Variants in MLPH observed in about 807,000 individuals in gnomAD.
MLPH encodes exophilin-3.
Under a neutral mutation model 72.1 loss-of-function variants are expected in MLPH, and 51 were observed. That is an observed-to-expected ratio of 0.71 (90% confidence interval 0.56 to 0.89). The LOEUF (loss-of-function observed/expected upper bound fraction) is 0.89. Ranked by LOEUF, MLPH falls within the 40% of genes least tolerant of loss-of-function variation. The pLI is 0.00. For synonymous variants in MLPH, 301 were observed against 310.1 expected (o/e 0.97, Z 0.31); for missense variants, 743 against 759.9 (o/e 0.98, Z 0.26).
At chr2:237,504,040 T>A (rs10191032) in intron 2 of MLPH, among the ~76,000 whole-genome samples, 1 of 151,982 alleles carries the variant, frequency 6.6e-6, no homozygotes, top group South Asian at 2.1e-4. Context: ...GGAGCCCACA[T>A]ACCTGAAGCC....
Position 237,518,533 on chromosome 2 carries a change from T to C in MLPH, c.446-6T>C, listed in dbSNP as rs2080102915. On this transcript the variant is annotated splice_polypyrimidine_tract_variant and splice_region_variant and intron_variant, in intron 4 of 15. Transcript: ENST00000264605. ...TTGGGTGGAGTCATGCAGGTATCTA[T>C]TGCAGCTGGGCCTGAACTGATATCT... The C allele has an allele frequency of 6.2e-7, 1 of 1,610,102 alleles. No homozygotes were observed. The highest frequency in any genetic ancestry group is 8.5e-7 in the Non-Finnish European group (1 of 1,177,756).
At chr2:237,533,880 A>G (rs2080477026) in intron 8 of MLPH, among the ~76,000 whole-genome samples, 1 of 152,244 alleles carries the variant, frequency 6.6e-6, no homozygotes, top group Admixed American at 6.5e-5. Flanking sequence ...GATTCAACTA[A>G]TTACCGACCA....
chr2:237,511,332 G>T (rs1049629149), intron 4 of MLPH: 5 of 456,468 alleles, frequency 1.1e-5, no homozygotes, highest in African/African-American at 8.2e-5. Flanking sequence ...GACTGGCCTC[G>T]AACTCCTGGG....
chr2:237,543,106 G>A (rs1317030084), intron 12 of MLPH, among the ~76,000 whole-genome samples: 2 of 74,566 alleles, frequency 2.7e-5, no homozygotes, highest in Non-Finnish European at 5.1e-5. Flanking sequence ...GGACAGTGGT[G>A]AGTGGGGGTA....
In MLPH at chr2:237,549,288, C is replaced by T; in HGVS notation, c.1675+10C>T. On this transcript the variant is annotated intron_variant, in intron 14 of 15. Transcript: ENST00000264605. ...TCCCTGAAAAGTCAAGGTAAGAGCC[C>T]TCTGCTCCCCCACCCCCATGGGCCT... The T allele has an allele frequency of 1.2e-6, 2 of 1,613,256 alleles. No individual in the cohort carries two copies. Among genetic ancestry groups the T allele is most frequent in the Non-Finnish European group, 1.7e-6 (2 of 1,179,206 alleles).
chr2:237,525,505 G>T (rs373641544), intron 6 of MLPH, 96 bp from the exon 7 acceptor site: 3 of 1,286,416 alleles, frequency 2.3e-6, no homozygotes, highest in Non-Finnish European at 3.3e-6. Context: ...TCAAGTGCCT[G>T]GAAAGCCTCA....
At chr2:237,529,813 G>C (rs923859436) in intron 8 of MLPH, among the ~76,000 whole-genome samples, 1 of 152,230 alleles carries the variant, frequency 6.6e-6, no homozygotes, top group Non-Finnish European at 1.5e-5. Flanking sequence ...TGTAGGGCCA[G>C]CTCCTTGGGC....
In MLPH at chr2:237,527,752, A is replaced by G. The variant is rs2080335279; in HGVS notation, c.1020+236A>G. On this transcript the variant is annotated intron_variant, in intron 8 of 15. Coordinates refer to ENST00000264605, the MANE Select transcript of MLPH (RefSeq NM_024101.7). ...CCCAAAAATTAAAAATCGAGTTTCCATAGGATCCAACAATTCCACTTCTTG... is the reference window on the plus strand; with the variant it reads ...CCCAAAAATTAAAAATCGAGTTTCCGTAGGATCCAACAATTCCACTTCTTG... 3 of 574,868 alleles carry G rather than the reference A, an allele frequency of 5.2e-6. No homozygotes were observed. The South Asian group carries it at 6.1e-5, about 12-fold the overall frequency. 35.6% of individuals were successfully genotyped at this position (574,868 alleles called of 1,614,324 possible). A position where few individuals can be genotyped will look rare whatever the true frequency, so the allele number is the denominator to read the frequency against.
rs562113694 is a variant in MLPH, at chr2:237,496,347, C to T, written c.110+2811C>T. Among the ~76,000 whole-genome samples the T allele has an allele frequency of 3.9e-5, 6 of 152,176 alleles. No homozygotes were observed. The South Asian group carries it at 1.2e-3, about 32-fold the overall frequency. ...TCCAGGGGACTGCTGAGTGGTCCGC[C>T]CTGCTCCAGTCCAGGCTTATCTGAA... On this transcript the variant is annotated intron_variant, in intron 2 of 15. Transcript: ENST00000264605.
At chr2:237,521,581 A>C (rs13431643) in intron 6 of MLPH, among the ~76,000 whole-genome samples, 3,384 of 148,640 alleles carry the variant, frequency 0.023, 125 homozygotes, top group African/African-American at 0.079. Context: ...GAGTTGGAGA[A>C]TGCGATGTTT....
At chr2:237,529,824 A>G (rs1450682240) in intron 8 of MLPH, among the ~76,000 whole-genome samples, 2 of 152,344 alleles carry the variant, frequency 1.3e-5, no homozygotes, top group East Asian at 3.9e-4. Flanking sequence ...CTCCTTGGGC[A>G]TGGTGATGCC....
intron 6 of MLPH, among the ~76,000 whole-genome samples, chr2:237,523,582 T>C (rs186764168): frequency 4.6e-5 from 7 of 152,296 alleles, no homozygotes; most frequent in African/African-American, 1.7e-4. Context: ...AGCTACAGCA[T>C]GCAAACCCCA....
Position 237,549,301 on chromosome 2 carries a change from C to A in MLPH, c.1675+23C>A, listed in dbSNP as rs773267192. Reference sequence around the variant, plus strand: ...AAGGTAAGAGCCCTCTGCTCCCCCACCCCCATGGGCCTGGGAAATGAGCTT... The same window carrying A: ...AAGGTAAGAGCCCTCTGCTCCCCCAACCCCATGGGCCTGGGAAATGAGCTT... On this transcript the variant is annotated intron_variant, in intron 14 of 15. Coordinates refer to ENST00000264605, the MANE Select transcript of MLPH (RefSeq NM_024101.7). 9.3e-6 allele frequency: 15 copies of A among 1,605,950 alleles called. No homozygotes were observed. In the East Asian group the frequency reaches 2.5e-4, roughly 26 times the overall value.
chr2:237,528,980 G>A (rs13420503), intron 8 of MLPH, among the ~76,000 whole-genome samples: 25,223 of 152,076 alleles, frequency 0.17, 2,334 homozygotes, highest in African/African-American at 0.23. Context: ...ACTTGATCAA[G>A]TATTATATAT....
At chr2:237,550,230 C>T (rs568916249) in intron 14 of MLPH, among the ~76,000 whole-genome samples, 2 of 152,322 alleles carry the variant, frequency 1.3e-5, no homozygotes, top group African/African-American at 2.4e-5. Flanking sequence ...GGCTCTCCAC[C>T]GCCTCCCTGC....
At chr2:237,490,884 G>A (rs936022978) in intron 1 of MLPH, among the ~76,000 whole-genome samples, 6 of 152,134 alleles carry the variant, frequency 3.9e-5, no homozygotes, top group Non-Finnish European at 7.3e-5. Context: ...GGGCATTGGG[G>A]CAATCTCTTC....
At chr2:237,551,541 G>T (rs2081040751) in intron 14 of MLPH, among the ~76,000 whole-genome samples, 1 of 152,236 alleles carries the variant, frequency 6.6e-6, no homozygotes, top group African/African-American at 2.4e-5. Context: ...AAGGGCGGGT[G>T]CCTGCACCAG....
intron 9 of MLPH, among the ~76,000 whole-genome samples, chr2:237,536,449 G>A (rs1039759870): frequency 6.6e-6 from 1 of 152,210 alleles, no homozygotes; most frequent in Non-Finnish European, 1.5e-5. Context: ...AGGAAACTGA[G>A]GCCCAGGCTC....
In MLPH at chr2:237,542,603, G is replaced by A. The variant is rs1394873373; in HGVS notation, c.1483G>A (p.Ala495Thr). ...TGAATCCAGGATTGCAGCCCTGAGG[G>A]CCGCAGGGCTCACGGTGAAGCCCTC... ...DIESRIAALR[A>T]AGLTVKPSGK... Residue 495 changes from alanine to threonine, a missense_variant, in exon 12 of 16, where the codon GCC becomes ACC. Ala to Thr is a moderately conservative substitution (Grantham distance 58). Coordinates refer to ENST00000264605, the MANE Select transcript of MLPH (RefSeq NM_024101.7). 1 of 1,603,960 alleles carries A rather than the reference G, an allele frequency of 6.2e-7. No individual in the cohort carries two copies. The highest frequency in any genetic ancestry group is 1.1e-5 in the South Asian group (1 of 89,096).
Sources: allele counts gnomAD v4.1 joint callset (sites outside exome capture counted in the v4.1 genomes callset), GRCh38; gene constraint gnomAD v4.1.1; transcripts MANE v1.5; gene names NCBI Gene and HGNC (gene_info 2026-07-23, HGNC 2026-07-21).